Variants in CCNY observed in about 807,000 individuals in gnomAD.
CCNY encodes the protein cyclin Y.
In CCNY, 19 loss-of-function variants were observed where a neutral mutation model predicts 42.8. The observed-to-expected ratio is 0.44, with a 90% CI of 0.31 to 0.65. The LOEUF (loss-of-function observed/expected upper bound fraction) is 0.65, where lower values mean the gene tolerates loss of function less well. CCNY is among the 30% of genes least tolerant of loss of function. The pLI is 0.07. For synonymous variants in CCNY, 165 were observed against 162.7 expected (o/e 1.01, Z -0.11); for missense variants, 370 against 437.3 (o/e 0.85, Z 1.37).
chr10:35,418,290 CG>C (rs762079144), intron 1 of CCNY, among the ~76,000 whole-genome samples: 17 of 151,956 alleles, frequency 1.1e-4, no homozygotes, highest in Non-Finnish European at 2.4e-4. Context: ...TGCCTGTAGC[CG>C]GGGGTGGAGG....
rs1296398431 is a variant in CCNY at position 35,281,156 on chromosome 10, A to G, written c.-9+30530A>G. Reference sequence around the variant, plus strand: ...TACACTGGTGGGAATGGAAAATGCCATTGTGGAAAACAGGCACTCCTTTAA... The same window carrying G: ...TACACTGGTGGGAATGGAAAATGCCGTTGTGGAAAACAGGCACTCCTTTAA... On this transcript the variant is annotated intron_variant, in intron 3 of 11. Coordinates refer to the CCNY transcript ENST00000374706. Among the ~76,000 whole-genome samples, 3 of 152,300 alleles carry G rather than the reference A, an allele frequency of 2.0e-5. No individual in the cohort carries two copies. In the East Asian group the frequency reaches 5.8e-4, roughly 29 times the overall value.
intron 3 of CCNY, among the ~76,000 whole-genome samples, chr10:35,505,156 A>C (rs1216686672): frequency 6.6e-6 from 1 of 152,000 alleles, no homozygotes; most frequent in African/African-American, 2.4e-5. Flanking sequence ...TCCTGAAAAA[A>C]AAAAATCACT....
chr10:35,542,531 AGGT>A (rs1841024553), intron 7 of CCNY, among the ~76,000 whole-genome samples: 1 of 152,104 alleles, frequency 6.6e-6, no homozygotes, highest in Non-Finnish European at 1.5e-5. Flanking sequence ...CCACCTCCCT[AGGT>A]GATGCATTCT....
chr10:35,263,555 A>G (rs2095721992), intron 3 of CCNY, among the ~76,000 whole-genome samples: 1 of 151,648 alleles, frequency 6.6e-6, no homozygotes, highest in African/African-American at 2.4e-5. Flanking sequence ...ATAAAATAAA[A>G]TAAAATAAAG....
At chr10:35,525,622 G>A (rs945533318) in intron 4 of CCNY, among the ~76,000 whole-genome samples, 3 of 151,622 alleles carry the variant, frequency 2.0e-5, no homozygotes, top group Non-Finnish European at 2.9e-5. Flanking sequence ...ATTTCTAAAG[G>A]TGTTTTCTTT....
chr10:35,419,531 TCC>T (rs1838108774), intron 1 of CCNY, among the ~76,000 whole-genome samples: 1 of 129,656 alleles, frequency 7.7e-6, no homozygotes, highest in African/African-American at 3.1e-5. Context: ...ATTAGACCGT[TCC>T]TTTTTTTTTT....
At chr10:35,481,245 TC>T (rs1281317404) in intron 1 of CCNY, among the ~76,000 whole-genome samples, 1 of 152,172 alleles carries the variant, frequency 6.6e-6, no homozygotes, top group Non-Finnish European at 1.5e-5. Flanking sequence ...ATTAAAAGTG[TC>T]CCATTATTGG....
Position 35,570,439 on chromosome 10 carries a change from A to G in CCNY, c.*1269A>G, listed in dbSNP as rs1476578519. The G allele has an allele frequency of 1.3e-5, 2 of 152,330 alleles. No individual in the cohort carries two copies. The highest frequency in any genetic ancestry group is 2.9e-5 in the Non-Finnish European group (2 of 68,048). The allele number at this position is 152,330 out of a possible 1,614,324, so 9.4% of individuals were successfully genotyped here. On this transcript the variant is annotated 3_prime_UTR_variant, in exon 10 of 10. Transcript: ENST00000374704. Reference sequence around the variant, plus strand: ...TATGACCATACTTTTTCATTTTCTGACGATCCCTGATTTCCTTATGGACTC... The same window carrying G: ...TATGACCATACTTTTTCATTTTCTGGCGATCCCTGATTTCCTTATGGACTC...
At chr10:35,535,384 G>T (rs1840864539) in intron 7 of CCNY, among the ~76,000 whole-genome samples, 1 of 152,066 alleles carries the variant, frequency 6.6e-6, no homozygotes, top group Non-Finnish European at 1.5e-5. Flanking sequence ...AGGTGCAGTT[G>T]TGAGTTTGCC....
chr10:35,277,828 A>C (rs1178601209), intron 3 of CCNY, among the ~76,000 whole-genome samples: 1 of 151,966 alleles, frequency 6.6e-6, no homozygotes, highest in Admixed American at 6.6e-5. Context: ...GGATTTCCTC[A>C]GAGACCTGGG....
At chr10:35,465,335 G>A (rs1459112560) in intron 1 of CCNY, among the ~76,000 whole-genome samples, 2 of 151,792 alleles carry the variant, frequency 1.3e-5, no homozygotes, top group African/African-American at 4.8e-5. Context: ...AACCAGCATT[G>A]TTGCTCTGAT....
intron 2 of CCNY, among the ~76,000 whole-genome samples, chr10:35,494,547 G>GGCAT (rs1251908448): frequency 5.3e-5 from 8 of 152,124 alleles, no homozygotes; most frequent in Non-Finnish European, 8.8e-5. Context: ...ATGGGGAAGG[G>GGCAT]GCATGTAAGT....
At chr10:35,335,204 G>A (rs780993041), upstream of CCNY, among the ~76,000 whole-genome samples, 2 of 151,924 alleles carry the variant, frequency 1.3e-5, no homozygotes, top group Non-Finnish European at 2.9e-5. Flanking sequence ...TGTGGGCGTC[G>A]GGAGGGAATG....
intron 8 of CCNY, among the ~76,000 whole-genome samples, chr10:35,564,843 G>T (rs1268973154): frequency 1.3e-5 from 2 of 152,248 alleles, no homozygotes; most frequent in East Asian, 3.9e-4. Flanking sequence ...CTGAGATCAT[G>T]TGCTGGGGGC....
chr10:35,510,206 C>T (rs1479844066), intron 3 of CCNY, among the ~76,000 whole-genome samples: 1 of 151,912 alleles, frequency 6.6e-6, no homozygotes, highest in African/African-American at 2.4e-5. Flanking sequence ...AATAATAATA[C>T]TTCATTTTAT....
At chr10:35,351,890 T>C (rs1836437224) in intron 1 of CCNY, among the ~76,000 whole-genome samples, 1 of 152,200 alleles carries the variant, frequency 6.6e-6, no homozygotes, top group Non-Finnish European at 1.5e-5. Flanking sequence ...CCTAATAATC[T>C]AAAGAGCCAT....
At chr10:35,380,556 A>G (rs1837160131) in intron 1 of CCNY, among the ~76,000 whole-genome samples, 1 of 152,242 alleles carries the variant, frequency 6.6e-6, no homozygotes, top group Non-Finnish European at 1.5e-5. Flanking sequence ...GAGTCTCTAT[A>G]TTTCACCCAG....
At chr10:35,397,197 G>A (rs772542067) in intron 1 of CCNY, among the ~76,000 whole-genome samples, 4 of 152,174 alleles carry the variant, frequency 2.6e-5, no homozygotes, top group Non-Finnish European at 5.9e-5. Context: ...AAGAAAAGTG[G>A]AAACAAAACA....
chr10:35,500,927 G>A (rs1840098369), intron 2 of CCNY, among the ~76,000 whole-genome samples: 1 of 152,158 alleles, frequency 6.6e-6, no homozygotes, highest in Non-Finnish European at 1.5e-5. Context: ...TCAGCCTTAT[G>A]GGGTTGGGGT....
Sources: gnomAD v4.1 joint callset for allele counts (sites outside exome capture counted in the v4.1 genomes callset) on GRCh38, gnomAD v4.1.1 for gene constraint, MANE v1.5 for transcripts, NCBI Gene and HGNC (gene_info 2026-07-23, HGNC 2026-07-21) for gene names.